Variants in ABI2 observed in about 807,000 individuals in gnomAD.
ABI2 encodes abelson interactor 2.
ABI2 carries 25 observed loss-of-function variants against 59.2 expected under a neutral mutation model. The ratio of observed to expected loss-of-function variants is 0.42; its 90% CI spans 0.31 to 0.59. The LOEUF is 0.59. ABI2 is among the 20% of genes least tolerant of loss of function. The pLI, the probability that ABI2 is intolerant of heterozygous loss-of-function variation, is 0.14. For synonymous variants in ABI2, 213 were observed against 235.5 expected, an observed-to-expected ratio of 0.90 and a Z score of 0.87; for missense variants, 545 against 681.8, an observed-to-expected ratio of 0.80 and a Z score of 2.23.
chr2:203,371,951 G>C (rs1485538606), intron 2 of ABI2, among the ~76,000 whole-genome samples: 1 of 147,534 alleles, frequency 6.8e-6, no homozygotes, highest in African/African-American at 2.5e-5. Context: ...ATTTTTAATT[G>C]ATCATTCTTG....
At chr2:203,406,454 A>G (rs1258406493) in intron 9 of ABI2, among the ~76,000 whole-genome samples, 1 of 152,204 alleles carries the variant, frequency 6.6e-6, no homozygotes, top group Admixed American at 6.5e-5. Flanking sequence ...TCACAAAGAG[A>G]AAGTGTCAGG....
At chr2:203,342,489 G>A (rs1027437104) in intron 1 of ABI2, among the ~76,000 whole-genome samples, 7 of 152,086 alleles carry the variant, frequency 4.6e-5, no homozygotes, top group Non-Finnish European at 1.0e-4. Context: ...TCAATATGTA[G>A]TACCACAAGT....
chr2:203,422,487 G>A lies in ABI2; in HGVS notation c.1454-4690G>A, dbSNP rs528417429. On this transcript the variant is annotated intron_variant, in intron 11 of 11. Transcript: ENST00000261018. The stretch of plus-strand genomic sequence containing the variant: ...GAAGGTGGAATTAACAGGACTTGGG[G>A]ATGTCGGGGAAGGTGAGTGAGGGGA... Among the ~76,000 whole-genome samples, 23 of 152,304 alleles carry A rather than the reference G, an allele frequency of 1.5e-4. No individual in the cohort carries two copies. The South Asian group carries it at 4.6e-3, about 30-fold the overall frequency.
chr2:203,415,616 CAAAAAAA>C (rs71007515), intron 10 of ABI2, among the ~76,000 whole-genome samples: 10 of 42,342 alleles, frequency 2.4e-4, no homozygotes, highest in South Asian at 9.5e-4. Flanking sequence ...GACTCCGTCT[CAAAAAAA>C]AAAAAAAAAA....
intron 1 of ABI2, among the ~76,000 whole-genome samples, chr2:203,361,584 GA>G (rs1403308567): frequency 4.6e-5 from 7 of 152,122 alleles, no homozygotes; most frequent in Non-Finnish European, 8.8e-5. Flanking sequence ...GAAGTTGACA[GA>G]ATGCTAAGGA....
chr2:203,426,754 C>A, intron 11 of ABI2, among the ~76,000 whole-genome samples: 1 of 147,490 alleles, frequency 6.8e-6, no homozygotes. Flanking sequence ...ATCTCATTGC[C>A]CTAGTATAAT....
rs150054908 is a variant in ABI2 at position 203,366,055 on chromosome 2, G to A, written c.118-822G>A. ...GTTTTTTCATGTTCATATGTAAACT[G>A]TCATAGTATTTCTTAGACATCATTA... is the stretch of plus-strand genomic sequence containing the variant. On this transcript the variant is annotated intron_variant, in intron 1 of 11. Transcript: ENST00000261018. Among the ~76,000 whole-genome samples the A allele has an allele frequency of 8.3e-3, 1,259 of 151,984 alleles. 4 individuals carry two copies. Among genetic ancestry groups the A allele is most frequent in the Non-Finnish European group, 0.014 (932 of 67,952 alleles).
chr2:203,407,207 G>A (rs1467579134), intron 9 of ABI2, among the ~76,000 whole-genome samples: 1 of 152,150 alleles, frequency 6.6e-6, no homozygotes, highest in Non-Finnish European at 1.5e-5. Flanking sequence ...TTACAGGTGT[G>A]AGCCACCGCA....
In ABI2 at chr2:203,391,078, G is replaced by C; in HGVS notation, c.513G>C (p.Leu171=). 2 of 1,613,946 alleles carry C rather than the reference G, an allele frequency of 1.2e-6. No homozygotes were observed. The highest frequency in any genetic ancestry group is 1.7e-6 in the Non-Finnish European group (2 of 1,179,918). The change falls in exon 5 of 12, where the codon CTG becomes CTC. Residue 171 remains leucine, a synonymous_variant. Transcript: ENST00000261018. ...CCCAGAACATGAAGATGGGTGGGCT[G>C]CCGCGTACAACACCTCCAACTCAGA... ...VSTQNMKMGG[L]PRTTPPTQKP... is the part of the protein sequence containing the mutation.
At chr2:203,345,834 C>G (rs768811925) in intron 1 of ABI2, among the ~76,000 whole-genome samples, 4 of 151,890 alleles carry the variant, frequency 2.6e-5, no homozygotes, top group Non-Finnish European at 5.9e-5. Flanking sequence ...GCGTGAGGCA[C>G]TGTGCCCAGC....
At chr2:203,393,737 G>A (rs1327057241) in intron 5 of ABI2, among the ~76,000 whole-genome samples, 1 of 152,166 alleles carries the variant, frequency 6.6e-6, no homozygotes, top group Non-Finnish European at 1.5e-5. Flanking sequence ...GAAAAGAAAG[G>A]TTTTTAATTT....
At chr2:203,386,114 G>A (rs2096495825) in intron 4 of ABI2, among the ~76,000 whole-genome samples, 1 of 152,084 alleles carries the variant, frequency 6.6e-6, no homozygotes, top group Non-Finnish European at 1.5e-5. Context: ...GAGGGATAGA[G>A]GTCTCTAGAA....
intron 4 of ABI2, among the ~76,000 whole-genome samples, chr2:203,387,838 TTC>T (rs1305163881): frequency 1.3e-5 from 2 of 152,182 alleles, no homozygotes; most frequent in Non-Finnish European, 2.9e-5. Flanking sequence ...ATGGTATATG[TTC>T]TGTCTCTCTC....
chr2:203,373,519 G>A (rs2095462245), intron 2 of ABI2, among the ~76,000 whole-genome samples: 1 of 151,328 alleles, frequency 6.6e-6, no homozygotes, highest in South Asian at 2.1e-4. Flanking sequence ...GGGAGAGGGA[G>A]AGGGAGACTA....
At chr2:203,402,438 C>G (rs982258635) in intron 8 of ABI2, 138 bp from the exon 9 acceptor site, 1 of 592,402 alleles carries the variant, frequency 1.7e-6, no homozygotes, top group Non-Finnish European at 2.6e-6. Context: ...AATAACTCAC[C>G]TTGCATTGTA....
chr2:203,422,116 C>T (rs1432728734), intron 11 of ABI2, among the ~76,000 whole-genome samples: 3 of 151,822 alleles, frequency 2.0e-5, no homozygotes, highest in Middle Eastern at 3.2e-3. Context: ...GGCAACATGG[C>T]GATACCCTCG....
At chr2:203,360,353 A>G (rs976213762) in intron 1 of ABI2, among the ~76,000 whole-genome samples, 2 of 152,138 alleles carry the variant, frequency 1.3e-5, no homozygotes, top group Admixed American at 6.5e-5. Flanking sequence ...CTTATTGGTA[A>G]GAGGATGAGG....
intron 1 of ABI2, among the ~76,000 whole-genome samples, chr2:203,336,986 G>A (rs1483005018): frequency 1.3e-5 from 2 of 152,172 alleles, no homozygotes; most frequent in East Asian, 1.9e-4. Context: ...CTATTCTCTT[G>A]TTAGTGATGT....
At chr2:203,391,714 G>A (rs147555518) in intron 5 of ABI2, among the ~76,000 whole-genome samples, 3,833 of 151,866 alleles carry the variant, frequency 0.025, 106 homozygotes, top group East Asian at 0.092. Flanking sequence ...CCAGCTACTT[G>A]CGAGGCTGAG....
Sources: allele counts gnomAD v4.1 joint callset (sites outside exome capture counted in the v4.1 genomes callset), GRCh38; gene constraint gnomAD v4.1.1; transcripts MANE v1.5; gene names NCBI Gene and HGNC (gene_info 2026-07-23, HGNC 2026-07-21).